The following MEIOB variants were observed in gnomAD, a reference collection of about 807,000 sequenced individuals.
The protein encoded by MEIOB is meiosis specific with OB-fold.
In MEIOB, 50 loss-of-function variants were observed where a neutral mutation model predicts 53.1. That is an observed-to-expected ratio of 0.94 (90% CI 0.75 to 1.19). The LOEUF (loss-of-function observed/expected upper bound fraction) is 1.19, where lower values mean the gene tolerates loss of function less well. Among genes scored for constraint, MEIOB ranks in the 50% most tolerant of loss-of-function variants. The pLI, the probability that MEIOB is intolerant of heterozygous loss-of-function variation, is 0.00. For missense variants in MEIOB, 551 were observed against 550.8 expected (o/e 1.00, Z 0.00); for synonymous variants, 192 against 182.5 (o/e 1.05, Z -0.42).
chr16:1,859,698 G>A (rs1216134077), intron 5 of MEIOB, among the ~76,000 whole-genome samples: 1 of 152,166 alleles, frequency 6.6e-6, no homozygotes, highest in African/African-American at 2.4e-5. Flanking sequence ...AGGTGGGAAC[G>A]GGTCACAGTT....
chr16:1,834,520 G>T (rs551876154), intron 13 of MEIOB, among the ~76,000 whole-genome samples, 154 bp from the exon 14 acceptor site: 1 of 152,362 alleles, frequency 6.6e-6, no homozygotes, highest in Admixed American at 6.5e-5. Flanking sequence ...TAAGATGATG[G>T]GAAGAGTTCC....
At chr16:1,864,177 T>A (rs1899526524) in intron 3 of MEIOB, among the ~76,000 whole-genome samples, 1 of 152,088 alleles carries the variant, frequency 6.6e-6, no homozygotes, top group African/African-American at 2.4e-5. Context: ...GTAATATAAC[T>A]CAACATACAT....
chr16:1,857,680 G>C, intron 6 of MEIOB, 55 bp downstream of exon 6: 2 of 1,399,094 alleles, frequency 1.4e-6, no homozygotes, highest in Non-Finnish European at 2.0e-6. Context: ...CACAGATCAA[G>C]TGACTGCACC....
chr16:1,867,520 G>A (rs1444091573), intron 2 of MEIOB, among the ~76,000 whole-genome samples: 4 of 141,430 alleles, frequency 2.8e-5, no homozygotes, highest in Non-Finnish European at 4.5e-5. Context: ...TTGTTGCCCA[G>A]GCTGGAGTGC....
chr16:1,853,340 T>C (rs572097742), intron 7 of MEIOB, 69 bp from the exon 8 acceptor site: 44 of 1,238,620 alleles, frequency 3.6e-5, no homozygotes, highest in South Asian at 1.0e-4. Context: ...ACATATTATT[T>C]ACAACAATAA....
chr16:1,864,692 T>C (rs1899540519), intron 3 of MEIOB, among the ~76,000 whole-genome samples: 1 of 151,988 alleles, frequency 6.6e-6, no homozygotes, highest in Non-Finnish European at 1.5e-5. Context: ...TTCTACATGT[T>C]GGTTAGGCTG....
chr16:1,838,132 C>G (rs1567271972), intron 12 of MEIOB: 1 of 578,142 alleles, frequency 1.7e-6, no homozygotes. Flanking sequence ...TCTGAGGTTA[C>G]AGGTATGCAC....
At chr16:1,863,237 T>C (rs1567281031) in intron 3 of MEIOB, among the ~76,000 whole-genome samples, 1 of 152,044 alleles carries the variant, frequency 6.6e-6, no homozygotes, top group African/African-American at 2.4e-5. Context: ...ACACCCAGGC[T>C]GGAGTTCAGT....
At chr16:1,859,440 C>A (rs1899387973) in intron 5 of MEIOB, among the ~76,000 whole-genome samples, 1 of 152,168 alleles carries the variant, frequency 6.6e-6, no homozygotes, top group Non-Finnish European at 1.5e-5. Flanking sequence ...ACTTGGGAGG[C>A]TGAGGTGGGA....
chr16:1,839,215 T>C (rs1319622352), intron 12 of MEIOB, 40 bp downstream of exon 12: 3 of 1,513,104 alleles, frequency 2.0e-6, no homozygotes, highest in East Asian at 2.4e-5. Context: ...AGCATTCACT[T>C]TGGAAATATT....
intron 1 of MEIOB, among the ~76,000 whole-genome samples, chr16:1,871,754 T>C (rs1284563724): frequency 7.0e-6 from 1 of 143,126 alleles, no homozygotes; most frequent in Non-Finnish European, 1.5e-5. Flanking sequence ...GGTCAGGAAT[T>C]TGAGACCAGC....
At chr16:1,849,224 T>C (rs555708671) in intron 9 of MEIOB, among the ~76,000 whole-genome samples, 3 of 151,082 alleles carry the variant, frequency 2.0e-5, no homozygotes, top group African/African-American at 7.3e-5. Flanking sequence ...ATCAAGACCA[T>C]CCTGGCCAAC....
intron 10 of MEIOB, among the ~76,000 whole-genome samples, chr16:1,842,712 G>A (rs1898944139): frequency 6.6e-6 from 1 of 150,570 alleles, no homozygotes; most frequent in Non-Finnish European, 1.5e-5. Context: ...CGCCCAGGCG[G>A]TAGTGCAGTG....
intron 4 of MEIOB, among the ~76,000 whole-genome samples, chr16:1,861,706 C>A (rs1349123656): frequency 1.3e-5 from 2 of 151,894 alleles, no homozygotes; most frequent in Non-Finnish European, 2.9e-5. Flanking sequence ...CCACACCCAG[C>A]TAATTTTTTG....
rs949563299 is a variant in MEIOB at position 1,843,236 on chromosome 16, T to C, written c.881-1263A>G. Among the ~76,000 whole-genome samples the C allele has an allele frequency of 5.9e-4, 89 of 151,078 alleles. No homozygotes were observed. In the East Asian group the frequency reaches 0.017, roughly 29 times the overall value. ...TGAACCCGGGAGGCGGAGCTTGCAG[T>C]GAGCCGAGATCGCGCCACTGCACTC... On this transcript the variant is annotated intron_variant, in intron 10 of 13. Transcript: ENST00000325962.
intron 3 of MEIOB, among the ~76,000 whole-genome samples, chr16:1,865,457 A>G (rs11640914): frequency 0.82 from 122,733 of 148,950 alleles, 50,733 homozygotes; most frequent in Middle Eastern, 0.9. Context: ...GAACACATGT[A>G]CTCAAATATA....
At chr16:1,850,715 T>C (rs1051347722) in intron 9 of MEIOB, among the ~76,000 whole-genome samples, 2 of 151,562 alleles carry the variant, frequency 1.3e-5, no homozygotes, top group African/African-American at 4.9e-5. Context: ...GGTCAGGAGA[T>C]TGAGACCATC....
At chr16:1,845,729 A>G (rs761701323) in intron 9 of MEIOB, among the ~76,000 whole-genome samples, 2 of 152,210 alleles carry the variant, frequency 1.3e-5, no homozygotes, top group African/African-American at 2.4e-5. Context: ...GCTCTATAAA[A>G]AGCCTAGCTC....
Position 1,854,170 on chromosome 16 carries a change from C to A in MEIOB, c.559G>T (p.Asp187Tyr). The change falls in exon 7 of 14, where the codon GAC (aspartate) becomes TAC (tyrosine). Residue 187 changes from aspartate to tyrosine, a missense_variant. Transcript: ENST00000325962. ...TCACACCTCTGGCCTTTTCTCCGGT[C>A]TGAAGTTGTAAAGTATTTTGGCTCT... ...VGEPKYFTTS[D>Y]RRKGQRCEVR... The A allele has an allele frequency of 6.5e-7, 1 of 1,550,214 alleles. No individual in the cohort carries two copies. Among genetic ancestry groups the A allele is most frequent in the South Asian group, 1.2e-5 (1 of 83,892 alleles).
Sources: allele counts gnomAD v4.1 joint callset (sites outside exome capture counted in the v4.1 genomes callset), GRCh38; gene constraint gnomAD v4.1.1; transcripts MANE v1.5; gene names NCBI Gene and HGNC (gene_info 2026-07-23, HGNC 2026-07-21).